The following FOXK1 variants were observed in gnomAD, a reference collection of about 807,000 sequenced individuals.
FOXK1 encodes the protein forkhead box protein K1.
FOXK1 carries 19 observed loss-of-function variants against 51.9 expected under a neutral mutation model. That is an observed-to-expected ratio of 0.37 (90% CI 0.26 to 0.54). The LOEUF is 0.54. FOXK1 is among the 20% of genes least tolerant of loss of function. FOXK1 has a pLI of 0.87. For synonymous variants in FOXK1, 537 were observed against 482.6 expected (o/e 1.11, Z -1.48); for missense variants, 870 against 1,032.7 (o/e 0.84, Z 2.16).
intron 7 of FOXK1, among the ~76,000 whole-genome samples, chr7:4,760,298 C>T (rs571197565): frequency 5.3e-5 from 8 of 152,176 alleles, no homozygotes; most frequent in Non-Finnish European, 7.3e-5. Context: ...GATCCCAGGG[C>T]TTGACGGGGT....
At chr7:4,720,025 C>G (rs1275107914) in intron 1 of FOXK1, among the ~76,000 whole-genome samples, 1 of 152,120 alleles carries the variant, frequency 6.6e-6, no homozygotes, top group Non-Finnish European at 1.5e-5. Context: ...TGAGTTTTTT[C>G]TTTTTCTTTT....
rs1425062921 is a variant in FOXK1, at chr7:4,711,471, C to T, written c.560+28603C>T. Among the ~76,000 whole-genome samples the T allele has an allele frequency of 2.0e-5, 3 of 152,138 alleles. No homozygotes were observed. Among genetic ancestry groups the T allele is most frequent in the Admixed American group, 2.0e-4 (3 of 15,276 alleles). ...CTGGAGTTAAGGAAGATGTGACTTT[C>T]TCAGTGGCCCTCAGACGTCTTGGCA... On this transcript the variant is annotated intron_variant, in intron 1 of 8. Transcript: ENST00000328914. The surrounding 1 kb of genome is among the most constrained non-coding windows in gnomAD (Gnocchi z 6.3).
At chr7:4,710,806 C>G (rs1490772661) in intron 1 of FOXK1, among the ~76,000 whole-genome samples, 1 of 152,146 alleles carries the variant, frequency 6.6e-6, no homozygotes, top group African/African-American at 2.4e-5. Flanking sequence ...AGAAGCTGAG[C>G]TCAGCTGGAG....
rs2115085697 is a variant in FOXK1 at position 4,770,211 on chromosome 7, T to A, written c.*7747T>A. 6.6e-6 allele frequency: 1 copy of A among 152,316 alleles called. No individual in the cohort carries two copies. The highest frequency in any genetic ancestry group is 1.5e-5 in the Non-Finnish European group (1 of 68,026). 9.4% of individuals were successfully genotyped at this position (152,316 alleles called of 1,614,324 possible). The stretch of plus-strand genomic sequence containing the variant: ...TCCAGGTTAACTGGTCCAGATTTTT[T>A]TTTTTTAATCAGTAACAATGGGAAT... On this transcript the variant is annotated 3_prime_UTR_variant, in exon 9 of 9. Transcript: ENST00000328914.
At chr7:4,744,176 C>A (rs573646335) in intron 2 of FOXK1, among the ~76,000 whole-genome samples, 1 of 151,060 alleles carries the variant, frequency 6.6e-6, no homozygotes, top group East Asian at 1.9e-4. Flanking sequence ...ATAGTAAAGT[C>A]GCTTTTATTA....
rs990132782 is a variant in FOXK1, at chr7:4,683,317, C to G, written c.560+449C>G. 1.3e-5 allele frequency among the ~76,000 whole-genome samples: 2 copies of G among 152,002 alleles called. No homozygotes were observed. The highest frequency in any genetic ancestry group is 1.3e-4 in the Admixed American group (2 of 15,268). Reference sequence around the variant, plus strand: ...CCTGCTGCTCCCCAGCTCCCATCGGCCTGGACTCCGGGGTCATTCTGAACT... The same window carrying G: ...CCTGCTGCTCCCCAGCTCCCATCGGGCTGGACTCCGGGGTCATTCTGAACT... On this transcript the variant is annotated intron_variant, in intron 1 of 8. Coordinates refer to ENST00000328914, the MANE Select transcript of FOXK1 (RefSeq NM_001037165.2). The surrounding 1 kb of genome is among the most constrained non-coding windows in gnomAD (Gnocchi z 4.5).
intron 1 of FOXK1, among the ~76,000 whole-genome samples, chr7:4,726,358 C>G (rs956040123): frequency 1.3e-5 from 2 of 152,122 alleles, no homozygotes; most frequent in African/African-American, 4.8e-5. Context: ...CTTCTGAAAG[C>G]GTTTCCTCCA....
rs1780219986 is a variant in FOXK1, at chr7:4,715,241, A to G, written c.561-25597A>G. ...AACTGTGATGATATCGGGCATGGCGAAATTGTGATACGGTGCATGGTGTTT... is the reference window on the plus strand; with the variant it reads ...AACTGTGATGATATCGGGCATGGCGGAATTGTGATACGGTGCATGGTGTTT... On this transcript the variant is annotated intron_variant, in intron 1 of 8. Coordinates refer to ENST00000328914, the MANE Select transcript of FOXK1 (RefSeq NM_001037165.2). The surrounding 1 kb of genome is among the most constrained non-coding windows in gnomAD (Gnocchi z 4.5). Among the ~76,000 whole-genome samples the G allele has an allele frequency of 8.3e-6, 1 of 120,042 alleles. No individual in the cohort carries two copies. Among genetic ancestry groups the G allele is most frequent in the African/African-American group, 3.9e-5 (1 of 25,560 alleles). 78.8% of individuals were successfully genotyped at this position (120,042 alleles called of 152,430 possible). A position where few individuals can be genotyped will look rare whatever the true frequency, so the allele number is the denominator to read the frequency against.
At chr7:4,750,273 T>TG (rs553400746) in intron 2 of FOXK1, among the ~76,000 whole-genome samples, 107 of 151,734 alleles carry the variant, frequency 7.1e-4, no homozygotes, top group African/African-American at 2.2e-3. Context: ...AGCTAGGGAC[T>TG]GGGGGGGGCC....
Position 4,703,691 on chromosome 7 carries a change from C to G in FOXK1, c.560+20823C>G, listed in dbSNP as rs1156360345. Among the ~76,000 whole-genome samples, 1 of 152,140 alleles carries G rather than the reference C, an allele frequency of 6.6e-6. No individual in the cohort carries two copies. Among genetic ancestry groups the G allele is most frequent in the African/African-American group, 2.4e-5 (1 of 41,424 alleles). ...AGAGCTGCAGCTGGGGACTGGTGCG[C>G]CATGCAATTGACATAGCGCTGCTCG... On this transcript the variant is annotated intron_variant, in intron 1 of 8. Transcript: ENST00000328914. This position sits in a 1 kb window ranked among gnomAD's most constrained non-coding sequence, Gnocchi z 5.6.
intron 1 of FOXK1, among the ~76,000 whole-genome samples, chr7:4,738,782 C>T (rs551746119): frequency 9.2e-5 from 14 of 152,306 alleles, no homozygotes; most frequent in East Asian, 3.9e-4. Context: ...CTGAACGATG[C>T]GGCCCAGCCT....
chr7:4,682,761 C>T lies in FOXK1; in HGVS notation c.453C>T (p.Leu151=), dbSNP rs376254688. ...TCATCTCGCGGCGCCACCTGCAGCT[C>T]AGCTTCCAGGAGCCGCACTTCTACC... ...SSFISRRHLQ[L]SFQEPHFYLR... Residue 151 remains leucine, a synonymous_variant, in exon 1 of 9, where the codon CTC becomes CTT. Transcript: ENST00000328914. This position sits in a 1 kb window ranked among gnomAD's most constrained non-coding sequence, Gnocchi z 7.6. 6.3e-7 allele frequency: 1 copy of T among 1,598,692 alleles called. No individual in the cohort carries two copies. The highest frequency in any genetic ancestry group is 1.1e-5 in the South Asian group (1 of 89,776).
At chr7:4,701,030 C>T (rs1263521664) in intron 1 of FOXK1, among the ~76,000 whole-genome samples, 1 of 152,148 alleles carries the variant, frequency 6.6e-6, no homozygotes, top group Non-Finnish European at 1.5e-5. Context: ...GCAGACTGGC[C>T]CTCAGGTCTG....
rs956748741 is a variant in FOXK1 at position 4,729,497 on chromosome 7, C to T, written c.561-11341C>T. 5.3e-5 allele frequency among the ~76,000 whole-genome samples: 8 copies of T among 152,178 alleles called. No homozygotes were observed. The highest frequency in any genetic ancestry group is 1.4e-4 in the African/African-American group (6 of 41,442). On this transcript the variant is annotated intron_variant, in intron 1 of 8. Coordinates refer to ENST00000328914, the MANE Select transcript of FOXK1 (RefSeq NM_001037165.2). This position sits in a 1 kb window ranked among gnomAD's most constrained non-coding sequence, Gnocchi z 6.2. ...CTGTGAACACCGAGGGTGCCGTCCTCGCCTGTGCTGCCATGGGGTGCTCAG... is the reference window on the plus strand; with the variant it reads ...CTGTGAACACCGAGGGTGCCGTCCTTGCCTGTGCTGCCATGGGGTGCTCAG...
chr7:4,751,731 C>T (rs1780781777), intron 2 of FOXK1, among the ~76,000 whole-genome samples: 1 of 152,332 alleles, frequency 6.6e-6, no homozygotes, highest in East Asian at 1.9e-4. Flanking sequence ...GTCCCTCAGC[C>T]CAGGTGGCTG....
intron 1 of FOXK1, among the ~76,000 whole-genome samples, chr7:4,687,307 T>G (rs1779833045): frequency 6.6e-6 from 1 of 151,804 alleles, no homozygotes; most frequent in African/African-American, 2.4e-5. Context: ...GTTTTTGTTT[T>G]TTTGCAACGG....
chr7:4,705,959 T>TATATATATATACGTATATATAC (rs1780085524), intron 1 of FOXK1, among the ~76,000 whole-genome samples: 5 of 125,284 alleles, frequency 4.0e-5, no homozygotes, highest in African/African-American at 2.1e-4. Flanking sequence ...TATATATATA[T>TATATATATATACGTATATATAC]GTATATATAT....
rs1370878719 is a variant in FOXK1 at position 4,734,939 on chromosome 7, G to A, written c.561-5899G>A. 6.6e-6 allele frequency among the ~76,000 whole-genome samples: 1 copy of A among 152,120 alleles called. No homozygotes were observed. The highest frequency in any genetic ancestry group is 1.9e-4 in the East Asian group (1 of 5,192). On this transcript the variant is annotated intron_variant, in intron 1 of 8. Transcript: ENST00000328914. This position sits in a 1 kb window ranked among gnomAD's most constrained non-coding sequence, Gnocchi z 5.2. ...AAAAATCGCCTCCGGAAGCTTTCAC[G>A]GGCTCTTCCTTCCCTCTCTGATTAT...
At chr7:4,759,007 C>G in intron 5 of FOXK1, 44 bp from the exon 6 acceptor site, 1 of 1,532,278 alleles carries the variant, frequency 6.5e-7, no homozygotes, top group Non-Finnish European at 8.7e-7. Context: ...CCTCGCATCC[C>G]TCAGCGCGGG....
Sources: gnomAD v4.1 joint callset for allele counts (sites outside exome capture counted in the v4.1 genomes callset) on GRCh38, gnomAD v4.1.1 for gene constraint, Gnocchi (gnomAD v3.1) non-coding constraint, MANE v1.5 for transcripts, NCBI Gene and HGNC (gene_info 2026-07-23, HGNC 2026-07-21) for gene names.